Variants in DHX9 observed in about 807,000 individuals in gnomAD.
DHX9 encodes the protein ATP-dependent RNA helicase A.
Under a neutral mutation model 148.7 loss-of-function variants are expected in DHX9, and 27 were observed. The observed-to-expected ratio is 0.18, with a 90% confidence interval of 0.13 to 0.25. DHX9 has a LOEUF of 0.25. DHX9 is among the 10% of genes least tolerant of loss of function. The probability of loss-of-function intolerance (pLI) is 1.00; values close to 1 mark genes in which losing one functional copy is unlikely to be tolerated. For synonymous variants in DHX9, 529 were observed against 516.6 expected (o/e 1.02, Z -0.33); for missense variants, 796 against 1,559.6 (o/e 0.51, Z 8.25).
chr1:182,852,297 C>T lies in DHX9; in HGVS notation c.317C>T (p.Pro106Leu). 6.2e-7 allele frequency: 1 copy of T among 1,613,036 alleles called. No individual in the cohort carries two copies. The highest frequency in any genetic ancestry group is 8.5e-7 in the Non-Finnish European group (1 of 1,179,580). ...ACAGCAAATGCTGAAGGAGATTTAC[C>T]AACAACCATGGGAGGACCTCTTCCT... ...DTTANAEGDL[P>L]TTMGGPLPPH... Residue 106 changes from proline (P) to leucine (L), a missense_variant, in exon 4 of 28, where the codon CCA becomes CTA. This residue lies in a region of DHX9 where 89 missense variants were observed against 77.5 expected (regional missense o/e 1.15). Transcript: ENST00000367549.
chr1:182,859,016 C>G, intron 10 of DHX9, 24 bp from the exon 11 acceptor site: 1 of 1,612,508 alleles, frequency 6.2e-7, no homozygotes, highest in South Asian at 1.1e-5. Flanking sequence ...TTTTGTTTGA[C>G]TATGTTGGCT....
intron 20 of DHX9, 40 bp downstream of exon 20, chr1:182,878,213 C>G (rs371582258): frequency 2.4e-5 from 38 of 1,609,560 alleles, no homozygotes; most frequent in South Asian, 7.7e-5. Flanking sequence ...GATTTTTGTT[C>G]TGTTCTCTGT....
intron 3 of DHX9, 48 bp from the exon 4 acceptor site, chr1:182,852,185 C>A: frequency 1.6e-6 from 2 of 1,267,600 alleles, no homozygotes; most frequent in Non-Finnish European, 1.1e-6. Flanking sequence ...TTACTAGTCC[C>A]CGTGAAGGCA....
intron 14 of DHX9, among the ~76,000 whole-genome samples, chr1:182,870,380 G>A (rs1159946431): frequency 2.0e-5 from 3 of 152,198 alleles, no homozygotes; most frequent in Non-Finnish European, 4.4e-5. Flanking sequence ...GAGCAGAATA[G>A]AGAATCTTGG....
chr1:182,860,866 G>A (rs1350879465), intron 12 of DHX9, among the ~76,000 whole-genome samples: 2 of 152,164 alleles, frequency 1.3e-5, no homozygotes, highest in South Asian at 2.1e-4. Context: ...AAACAGTTCC[G>A]TTGGCTCTAC....
intron 3 of DHX9, among the ~76,000 whole-genome samples, chr1:182,850,374 C>T (rs923673391): frequency 6.6e-6 from 1 of 152,030 alleles, no homozygotes; most frequent in South Asian, 2.1e-4. Flanking sequence ...GCAGGAGGAT[C>T]TCTTGAGTCC....
intron 7 of DHX9, 91 bp downstream of exon 7, chr1:182,856,669 T>C (rs1033370392): frequency 1.8e-6 from 2 of 1,126,104 alleles, no homozygotes; most frequent in African/African-American, 3.1e-5. Flanking sequence ...ACAGAAGCTG[T>C]ATTATTTGAA....
chr1:182,848,532 A>C (rs1270781613), intron 3 of DHX9, among the ~76,000 whole-genome samples: 1 of 152,226 alleles, frequency 6.6e-6, no homozygotes. Context: ...CTGTGTCTCC[A>C]ACATTTAGAA....
rs557446266 is a variant in DHX9, at chr1:182,879,723, T to A, written c.2512+313T>A. Among the ~76,000 whole-genome samples the A allele has an allele frequency of 6.0e-4, 91 of 152,106 alleles. 2 individuals are homozygous for A. The highest frequency in any genetic ancestry group is 7.9e-4 in the Non-Finnish European group (54 of 68,008). ...CCCACAGTATTTCATATGAATCTCT[T>A]ACAACTTTTTTTGTTTTTTTGAGAC... On this transcript the variant is annotated intron_variant, in intron 21 of 27. Transcript: ENST00000367549.
intron 12 of DHX9, 57 bp from the exon 13 acceptor site, chr1:182,866,387 A>T: frequency 1.9e-6 from 3 of 1,567,856 alleles, no homozygotes. Context: ...AAATGCTAAT[A>T]AACAAGTATA....
intron 6 of DHX9, among the ~76,000 whole-genome samples, chr1:182,854,563 G>A (rs1668220869): frequency 1.3e-5 from 2 of 151,672 alleles, no homozygotes; most frequent in Admixed American, 1.3e-4. Context: ...TTCTTTAATG[G>A]GTCAGGTTAG....
At chr1:182,867,231 T>C (rs1164806801) in intron 14 of DHX9, among the ~76,000 whole-genome samples, 188 bp downstream of exon 14, 1 of 152,200 alleles carries the variant, frequency 6.6e-6, no homozygotes, top group Non-Finnish European at 1.5e-5. Flanking sequence ...TGTTAAACTT[T>C]ACAGAAAGCC....
chr1:182,854,473 T>C (rs1485138262), intron 6 of DHX9, among the ~76,000 whole-genome samples: 2 of 152,218 alleles, frequency 1.3e-5, no homozygotes, highest in Non-Finnish European at 2.9e-5. Flanking sequence ...CAATTGCTGG[T>C]TTGTCCCTAG....
chr1:182,855,321 T>C (rs1668235225), intron 6 of DHX9, among the ~76,000 whole-genome samples: 1 of 152,222 alleles, frequency 6.6e-6, no homozygotes, highest in Non-Finnish European at 1.5e-5. Context: ...TTGCAGACAT[T>C]TTTTGTTATC....
Position 182,852,352 on chromosome 1 carries a change from A to AC in DHX9, c.364+9dup. 3.2e-6 allele frequency: 5 copies of AC among 1,576,034 alleles called. No individual in the cohort carries two copies. Among genetic ancestry groups the AC allele is most frequent in the Non-Finnish European group, 4.3e-6 (5 of 1,151,998 alleles). ...ATCTGGCTCTCAAAGCAGGTAAGGG[A>AC]CTTGAATCCATGCACGTGGTGGAGA... On this transcript the variant is annotated intron_variant, in intron 4 of 27. Transcript: ENST00000367549.
chr1:182,882,351 T>A (rs997497421), intron 24 of DHX9, among the ~76,000 whole-genome samples: 1 of 152,256 alleles, frequency 6.6e-6, no homozygotes, highest in Non-Finnish European at 1.5e-5. Context: ...AAAATATGTC[T>A]GTGCTTTCAG....
Position 182,876,197 on chromosome 1 carries a change from G to T in DHX9, c.1963G>T (p.Val655Phe). Residue 655 changes from valine (V) to phenylalanine (F), a missense_variant, in exon 17 of 28, where the codon GTT becomes TTT. Around this residue, in one of 14 missense-constraint regions of DHX9, gnomAD observed 133 missense variants for 223.8 expected, o/e 0.59. Transcript: ENST00000367549. The stretch of plus-strand genomic sequence containing the variant: ...CCTTAATGTTCCTGGAGCTGTGTTG[G>T]TTTTTTTGCCTGGCTGGAATCTGAT... The part of the protein sequence containing the change: ...ETLNVPGAVL[V>F]FLPGWNLIYT... The T allele has an allele frequency of 6.2e-7, 1 of 1,613,828 alleles. No homozygotes were observed. The highest frequency in any genetic ancestry group is 8.5e-7 in the Non-Finnish European group (1 of 1,179,826).
intron 12 of DHX9, among the ~76,000 whole-genome samples, chr1:182,861,696 A>G (rs1668366697): frequency 6.6e-6 from 1 of 152,228 alleles, no homozygotes. Flanking sequence ...ACTGTCTTTT[A>G]AAATGTTCAG....
rs148026030 is a variant in DHX9, at chr1:182,858,029, A to G, written c.674-75A>G. The stretch of plus-strand genomic sequence containing the variant: ...TAGGGCTTCTTGTGTACGTAAGCCC[A>G]TAGTTTCTTGTGATAAGATGTTTCT... On this transcript the variant is annotated intron_variant, in intron 7 of 27. Transcript: ENST00000367549. The G allele has an allele frequency of 1.2e-5, 18 of 1,495,352 alleles. 1 individual carries two copies. The South Asian group carries it at 1.7e-4, about 14-fold the overall frequency. 92.6% of individuals were successfully genotyped at this position (1,495,352 alleles called of 1,614,324 possible).
Sources: gnomAD v4.1 joint callset for allele counts (sites outside exome capture counted in the v4.1 genomes callset) on GRCh38, gnomAD v4.1.1 for gene constraint, gnomAD v4.1.1 regional missense constraint, MANE v1.5 for transcripts, NCBI Gene and HGNC (gene_info 2026-07-23, HGNC 2026-07-21) for gene names.